CLTC: variants seen among roughly 807,000 people sequenced by gnomAD.
The protein encoded by CLTC is clathrin heavy chain 1.
Under a neutral mutation model 195.8 loss-of-function variants are expected in CLTC, and 16 were observed. The ratio of observed to expected loss-of-function variants is 0.08; its 90% CI spans 0.06 to 0.12. The LOEUF (loss-of-function observed/expected upper bound fraction) is 0.12. Ranked by LOEUF, CLTC falls within the 10% of genes least tolerant of loss-of-function variation. The pLI is 1.00. For synonymous variants in CLTC, 667 were observed against 689.4 expected (o/e 0.97, Z 0.51); for missense variants, 796 against 2,027.0 (o/e 0.39, Z 11.66).
At chr17:59,622,658 A>G (rs1029179894) in intron 1 of CLTC, among the ~76,000 whole-genome samples, 20 of 152,160 alleles carry the variant, frequency 1.3e-4, no homozygotes, top group Non-Finnish European at 2.6e-4. Context: ...ATAGGTGTGA[A>G]CCACCGAGCC....
intron 18 of CLTC, 79 bp from the exon 19 acceptor site, chr17:59,680,833 T>G: frequency 8.3e-7 from 1 of 1,211,534 alleles, no homozygotes; most frequent in Non-Finnish European, 1.1e-6. Context: ...CTATTTCAAG[T>G]TTTCTAATGA....
chr17:59,637,595 A>G (rs1282231227), intron 1 of CLTC, among the ~76,000 whole-genome samples: 4 of 141,788 alleles, frequency 2.8e-5, no homozygotes, highest in Non-Finnish European at 6.1e-5. Flanking sequence ...GGGTACAGTG[A>G]CTCATGCCTG....
chr17:59,690,692 G>A lies in CLTC; in HGVS notation c.4884G>A (p.Glu1628=). Residue 1628 remains glutamate (E), a synonymous_variant, in exon 31 of 32, where the codon GAG becomes GAA. Coordinates refer to ENST00000269122, the MANE Select transcript of CLTC (RefSeq NM_004859.4). ...GAAAAGAAGAAGAACAAGCTACAGA[G>A]ACACAACCCATTGTTTATGGTAATC... The part of the protein sequence containing the change: ...SLRKEEEQAT[E]TQPIVYGQPQ... The A allele has an allele frequency of 6.2e-7, 1 of 1,612,408 alleles. No homozygotes were observed. The highest frequency in any genetic ancestry group is 8.5e-7 in the Non-Finnish European group (1 of 1,178,960).
At chr17:59,649,654 T>A (rs1443411462) in intron 4 of CLTC, among the ~76,000 whole-genome samples, 1 of 152,146 alleles carries the variant, frequency 6.6e-6, no homozygotes. Flanking sequence ...TTTTAAAAAT[T>A]GAGATAGAGA....
intron 5 of CLTC, among the ~76,000 whole-genome samples, chr17:59,655,422 A>G (rs904682558): frequency 2.0e-5 from 3 of 152,262 alleles, no homozygotes; most frequent in African/African-American, 4.8e-5. Flanking sequence ...GACAGATACA[A>G]TAATGAAAAG....
intron 15 of CLTC, among the ~76,000 whole-genome samples, chr17:59,674,202 A>G (rs2032916565): frequency 6.6e-6 from 1 of 152,202 alleles, no homozygotes. Context: ...AACTGCTATT[A>G]TTGAAAAAGT....
In CLTC at chr17:59,685,011, A is replaced by T. The variant is rs758285584; in HGVS notation, c.4435-45A>T. ...TTGATTGAGAACGGAATATAATGTT[A>T]AACAAAATACTGATCTGGCATTTGG... On this transcript the variant is annotated intron_variant, in intron 28 of 31. Transcript: ENST00000269122. The surrounding 1 kb of genome is among the most constrained non-coding windows in gnomAD (Gnocchi z 5.0). 5 of 1,448,752 alleles carry T rather than the reference A, an allele frequency of 3.5e-6. No individual in the cohort carries two copies. Among genetic ancestry groups the T allele is most frequent in the African/African-American group, 1.4e-5 (1 of 70,416 alleles). The allele number at this position is 1,448,752 out of a possible 1,614,324, so 89.7% of individuals were successfully genotyped here. A position where few individuals can be genotyped will look rare whatever the true frequency, so the allele number is the denominator to read the frequency against.
rs1425747299 is a variant in CLTC at position 59,685,471 on chromosome 17, G to A, written c.4606-116G>A. The A allele has an allele frequency of 1.8e-5, 17 of 964,592 alleles. No homozygotes were observed. Among genetic ancestry groups the A allele is most frequent in the Non-Finnish European group, 2.6e-5 (17 of 656,482 alleles). 59.8% of individuals were successfully genotyped at this position (964,592 alleles called of 1,614,324 possible). Reference sequence around the variant, plus strand: ...TTAATTTAAATGATACAACTAGGAGGCTTTTTTCCCCTTGCAAAACCAGAT... The same window carrying A: ...TTAATTTAAATGATACAACTAGGAGACTTTTTTCCCCTTGCAAAACCAGAT... On this transcript the variant is annotated intron_variant, in intron 29 of 31. Coordinates refer to ENST00000269122, the MANE Select transcript of CLTC (RefSeq NM_004859.4). This position sits in a 1 kb window ranked among gnomAD's most constrained non-coding sequence, Gnocchi z 5.0.
Position 59,683,858 on chromosome 17 carries a change from A to T in CLTC, c.4324-17A>T, listed in dbSNP as rs768915486. ...TCAATAATGTGCTATATTTGTAACA[A>T]ACTCTTTATTTTAAAGGTTAAACAG... On this transcript the variant is annotated splice_polypyrimidine_tract_variant and intron_variant, in intron 27 of 31. Transcript: ENST00000269122. The surrounding 1 kb of genome is among the most constrained non-coding windows in gnomAD (Gnocchi z 6.1). 3 of 1,612,152 alleles carry T rather than the reference A, an allele frequency of 1.9e-6. No homozygotes were observed. Among genetic ancestry groups the T allele is most frequent in the African/African-American group, 2.7e-5 (2 of 74,966 alleles).
chr17:59,683,901 G>A lies in CLTC; in HGVS notation c.4350G>A (p.Pro1450=), dbSNP rs570990690. ...TTAAACAGCTACCACTGGTGAAACC[G>A]TATTTGCGTTCAGTTCAGAACCATA... is the stretch of plus-strand genomic sequence containing the variant. ...SKVKQLPLVK[P]YLRSVQNHNN... The change falls in exon 28 of 32, where the codon CCG becomes CCA. Residue 1450 remains proline (P), a synonymous_variant. Transcript: ENST00000269122. The surrounding 1 kb of genome is among the most constrained non-coding windows in gnomAD (Gnocchi z 6.1). 6.8e-6 allele frequency: 11 copies of A among 1,613,536 alleles called. No homozygotes were observed. Among genetic ancestry groups the A allele is most frequent in the African/African-American group, 5.3e-5 (4 of 75,042 alleles).
At chr17:59,660,615 C>T (rs2143540980) in intron 7 of CLTC, 27 bp downstream of exon 7, 1 of 1,599,602 alleles carries the variant, frequency 6.3e-7, no homozygotes, top group Non-Finnish European at 8.6e-7. Context: ...ATGAAGTTGT[C>T]ATGACATTAA....
chr17:59,627,301 G>A (rs974969414), intron 1 of CLTC, among the ~76,000 whole-genome samples: 2 of 152,092 alleles, frequency 1.3e-5, no homozygotes, highest in Non-Finnish European at 2.9e-5. Flanking sequence ...CACCTATTAC[G>A]TGCCAAGAAC....
intron 30 of CLTC, chr17:59,689,378 CT>C (rs1162523934): frequency 6.6e-6 from 1 of 151,964 alleles, no homozygotes; most frequent in Non-Finnish European, 1.5e-5. Context: ...CTGCCTTAAT[CT>C]TTTTAGGACC....
In CLTC at chr17:59,660,468, G is replaced by C. The variant is rs201085353; in HGVS notation, c.1047G>C (p.Leu349=). ...TTCTACAAAATCCTGATTTGGCTCT[G>C]AGAATGGCTGTACGTAATAACTTAG... ...TNVLQNPDLA[L]RMAVRNNLAG... is the part of the protein sequence containing the mutation. Residue 349 remains leucine (L), a synonymous_variant, in exon 7 of 32, where the codon CTG becomes CTC. Transcript: ENST00000269122. The C allele has an allele frequency of 6.7e-5, 108 of 1,614,118 alleles. 2 individuals are homozygous for C. In the East Asian group the frequency reaches 1.6e-3, roughly 24 times the overall value.
chr17:59,653,493 T>TCCTCTCCCTCTCGTTCTG (rs1437545254), intron 5 of CLTC, among the ~76,000 whole-genome samples: 9 of 151,054 alleles, frequency 6.0e-5, no homozygotes, highest in African/African-American at 2.2e-4. Flanking sequence ...ACGCCCGGCC[T>TCCTCTCCCTCTCGTTCTG]CCTCTCCCTC....
rs576298046 is a variant in CLTC, at chr17:59,685,215, A to T, written c.4594A>T (p.Ser1532Cys). The part of the protein sequence containing the change: ...KQSVELCKKD[S>C]LYKDAMQYAS... ...GAGTGTAGAGCTGTGCAAGAAAGAC[A>T]GCCTTTACAAGGTTGATAAAGTTGC... Residue 1532 changes from serine to cysteine, a missense_variant, in exon 29 of 32, where the codon AGC (serine) becomes TGC (cysteine). Physicochemically the swap from Ser to Cys is moderately radical, Grantham distance 112 (BLOSUM62 -1). Around this residue, in one of 9 missense-constraint regions of CLTC, gnomAD observed 148 missense variants for 279.5 expected, o/e 0.53. Transcript: ENST00000269122. The surrounding 1 kb of genome is among the most constrained non-coding windows in gnomAD (Gnocchi z 5.0). 18 of 1,588,138 alleles carry T rather than the reference A, an allele frequency of 1.1e-5. No individual in the cohort carries two copies. Among genetic ancestry groups the T allele is most frequent in the Non-Finnish European group, 1.5e-5 (17 of 1,163,362 alleles).
At chr17:59,627,741 C>T (rs745959379) in intron 1 of CLTC, among the ~76,000 whole-genome samples, 3 of 152,142 alleles carry the variant, frequency 2.0e-5, no homozygotes, top group South Asian at 4.1e-4. Flanking sequence ...GATTGGGATC[C>T]GGTTAACTTG....
chr17:59,683,843 G>C lies in CLTC; in HGVS notation c.4324-32G>C. Reference sequence around the variant, plus strand: ...TTTGTCCCTGGGACTTCAATAATGTGCTATATTTGTAACAAACTCTTTATT... The same window carrying C: ...TTTGTCCCTGGGACTTCAATAATGTCCTATATTTGTAACAAACTCTTTATT... On this transcript the variant is annotated intron_variant, in intron 27 of 31. Coordinates refer to ENST00000269122, the MANE Select transcript of CLTC (RefSeq NM_004859.4). This position sits in a 1 kb window ranked among gnomAD's most constrained non-coding sequence, Gnocchi z 6.1. 1 of 1,610,150 alleles carries C rather than the reference G, an allele frequency of 6.2e-7. No individual in the cohort carries two copies. Among genetic ancestry groups the C allele is most frequent in the Non-Finnish European group, 8.5e-7 (1 of 1,176,662 alleles).
At position 59,696,525 on chromosome 17, in the gene CLTC, T is replaced by A. The variant is rs867132429; in HGVS notation, c.*2673T>A. 4.7e-6 allele frequency: 1 copy of A among 211,948 alleles called. No homozygotes were observed. Among genetic ancestry groups the A allele is most frequent in the Non-Finnish European group, 9.5e-6 (1 of 104,896 alleles). The allele number at this position is 211,948 out of a possible 1,614,324, so 13.1% of individuals were successfully genotyped here. A position where few individuals can be genotyped will look rare whatever the true frequency, so the allele number is the denominator to read the frequency against. ...GTCAGTATCCTCCTAAAAGAAGGCT[T>A]AAATAGTTTCTAACAAGATGACTAT... On this transcript the variant is annotated 3_prime_UTR_variant, in exon 32 of 32. Transcript: ENST00000269122.
Sources: gnomAD v4.1 joint callset for allele counts (sites outside exome capture counted in the v4.1 genomes callset) on GRCh38, gnomAD v4.1.1 for gene constraint, gnomAD v4.1.1 regional missense constraint, Gnocchi (gnomAD v3.1) non-coding constraint, MANE v1.5 for transcripts, NCBI Gene and HGNC (gene_info 2026-07-23, HGNC 2026-07-21) for gene names.